The following SPOCK1 variants were observed in gnomAD, a reference collection of about 807,000 sequenced individuals.
SPOCK1 encodes SPARC (osteonectin), cwcv and kazal like domains proteoglycan 1, also known as testican-1.
In SPOCK1, 23 loss-of-function variants were observed where a neutral mutation model predicts 55.3. The observed-to-expected ratio is 0.42, with a 90% CI of 0.30 to 0.59. The LOEUF (loss-of-function observed/expected upper bound fraction) is 0.59. SPOCK1 is among the 20% of genes least tolerant of loss of function. The pLI, the probability that SPOCK1 is intolerant of heterozygous loss-of-function variation, is 0.22. For missense variants in SPOCK1, 499 were observed against 552.5 expected, an observed-to-expected ratio of 0.90 and a Z score of 0.97; for synonymous variants, 226 against 221.0, an observed-to-expected ratio of 1.02 and a Z score of -0.20.
chr5:137,028,287 G>A (rs750109908), intron 6 of SPOCK1, among the ~76,000 whole-genome samples: 6 of 152,162 alleles, frequency 3.9e-5, no homozygotes, highest in Non-Finnish European at 1.5e-5. Context: ...GGCTCTTACT[G>A]GGCAAAATGC....
intron 2 of SPOCK1, among the ~76,000 whole-genome samples, chr5:137,382,309 A>C (rs1272766493): frequency 2.0e-5 from 3 of 152,162 alleles, no homozygotes. Context: ...ACTTTCCCAC[A>C]TCTTTCTGTC....
chr5:137,335,301 C>T (rs1580872147), intron 2 of SPOCK1, among the ~76,000 whole-genome samples: 1 of 152,138 alleles, frequency 6.6e-6, no homozygotes, highest in Admixed American at 6.5e-5. Context: ...AAATCATATG[C>T]TCCTGTTTTT....
intron 4 of SPOCK1, among the ~76,000 whole-genome samples, chr5:137,130,688 A>G (rs1043169330): frequency 6.6e-6 from 1 of 152,220 alleles, no homozygotes; most frequent in African/African-American, 2.4e-5. Context: ...CCTTTCCTTC[A>G]GGTCAATGTC....
intron 2 of SPOCK1, among the ~76,000 whole-genome samples, chr5:137,467,606 C>A (rs555719864): frequency 1.6e-4 from 25 of 152,282 alleles, no homozygotes; most frequent in African/African-American, 5.1e-4. Flanking sequence ...TCTGATAACA[C>A]CACAGGAAGA....
intron 2 of SPOCK1, among the ~76,000 whole-genome samples, chr5:137,498,116 C>T (rs916926399): frequency 2.6e-5 from 4 of 152,152 alleles, no homozygotes; most frequent in African/African-American, 9.7e-5. Flanking sequence ...CCTCCCGCAG[C>T]CCTACGAATA....
At chr5:137,447,908 T>C (rs924865742) in intron 2 of SPOCK1, among the ~76,000 whole-genome samples, 1 of 152,184 alleles carries the variant, frequency 6.6e-6, no homozygotes, top group Non-Finnish European at 1.5e-5. Context: ...TCCATAATAT[T>C]ACCATTCAGT....
chr5:137,118,529 C>T (rs777085754), intron 4 of SPOCK1, among the ~76,000 whole-genome samples: 12 of 152,342 alleles, frequency 7.9e-5, no homozygotes, highest in Admixed American at 1.3e-4. Flanking sequence ...TCCTTGAAGA[C>T]ATCAATGTGA....
At chr5:137,346,793 C>G (rs2127158835) in intron 2 of SPOCK1, among the ~76,000 whole-genome samples, 1 of 152,248 alleles carries the variant, frequency 6.6e-6, no homozygotes, top group Non-Finnish European at 1.5e-5. Context: ...TTAAGTCAAA[C>G]AAAAACGTGC....
chr5:136,978,728 G>A lies in SPOCK1; in HGVS notation c.1246C>T (p.His416Tyr). The change falls in exon 11 of 11, where the codon CAC becomes TAC. Residue 416 changes from histidine (H) to tyrosine (Y), a missense_variant. This residue lies in a region of SPOCK1 where 83 missense variants were observed against 87.5 expected (regional missense o/e 0.95). Coordinates refer to ENST00000394945, the MANE Select transcript of SPOCK1 (RefSeq NM_004598.4). ...TCATCCTCTGTCACGGCTCGGGTGTGCACCCTCAGCTTCCCCTCTTTGTCC... is the reference window on the plus strand; with the variant it reads ...TCATCCTCTGTCACGGCTCGGGTGTACACCCTCAGCTTCCCCTCTTTGTCC... Reference protein sequence around the residue: ...PKDKEGKLRVHTRAVTEDDED... With the variant: ...PKDKEGKLRVYTRAVTEDDED... 6.2e-7 allele frequency: 1 copy of A among 1,614,016 alleles called. No individual in the cohort carries two copies. The highest frequency in any genetic ancestry group is 8.5e-7 in the Non-Finnish European group (1 of 1,179,974).
chr5:137,229,189 C>A (rs1429699840), intron 3 of SPOCK1, among the ~76,000 whole-genome samples: 1 of 151,962 alleles, frequency 6.6e-6, no homozygotes, highest in African/African-American at 2.4e-5. Flanking sequence ...CTTATTTTTG[C>A]CTTTCCATTT....
chr5:136,983,439 G>T (rs1376968894), intron 9 of SPOCK1, among the ~76,000 whole-genome samples: 1 of 152,128 alleles, frequency 6.6e-6, no homozygotes, highest in Non-Finnish European at 1.5e-5. Context: ...AAGCTTAGTG[G>T]TATCCACCCT....
chr5:137,187,687 C>A (rs1013549536), intron 3 of SPOCK1, among the ~76,000 whole-genome samples: 3 of 152,140 alleles, frequency 2.0e-5, no homozygotes, highest in African/African-American at 7.2e-5. Context: ...TAGGCATGCT[C>A]CTGGTGGCTG....
chr5:137,031,652 T>C (rs568710173), intron 6 of SPOCK1, among the ~76,000 whole-genome samples: 63 of 152,136 alleles, frequency 4.1e-4, no homozygotes, highest in African/African-American at 1.5e-3. Context: ...AACACATTCC[T>C]TCTAACAAAT....
At chr5:137,001,060 C>T (rs904164286) in intron 6 of SPOCK1, among the ~76,000 whole-genome samples, 3 of 152,088 alleles carry the variant, frequency 2.0e-5, no homozygotes, top group Admixed American at 6.5e-5. Flanking sequence ...CAGGGCTGAA[C>T]GCAGATCCCA....
At chr5:137,215,298 C>A (rs1209166807) in intron 3 of SPOCK1, among the ~76,000 whole-genome samples, 1 of 152,126 alleles carries the variant, frequency 6.6e-6, no homozygotes. Flanking sequence ...GCAGCCTCAC[C>A]CACTTGGTGA....
Position 137,456,938 on chromosome 5 carries a change from T to C in SPOCK1, c.186+41435A>G, listed in dbSNP as rs977158135. 3.3e-5 allele frequency among the ~76,000 whole-genome samples: 5 copies of C among 152,246 alleles called. No homozygotes were observed. The South Asian group carries it at 1.0e-3, about 32-fold the overall frequency. On this transcript the variant is annotated intron_variant, in intron 2 of 10. Coordinates refer to ENST00000394945, the MANE Select transcript of SPOCK1 (RefSeq NM_004598.4). ...TACTATACCTCTGCTAGTGGGTATA[T>C]TAACCTTTGTTTCAAGAAACTATTC...
intron 6 of SPOCK1, among the ~76,000 whole-genome samples, chr5:137,055,312 T>C (rs1306660113): frequency 6.6e-6 from 1 of 152,194 alleles, no homozygotes; most frequent in African/African-American, 2.4e-5. Context: ...GCTGAATGGA[T>C]GAAGATACAT....
intron 3 of SPOCK1, among the ~76,000 whole-genome samples, chr5:137,263,778 G>T (rs960045392): frequency 2.6e-5 from 4 of 152,134 alleles, no homozygotes; most frequent in East Asian, 1.9e-4. Context: ...ATCTCAGGAA[G>T]AATTCTTAGA....
chr5:137,165,912 CT>C (rs754398182), intron 3 of SPOCK1, among the ~76,000 whole-genome samples: 1 of 151,792 alleles, frequency 6.6e-6, no homozygotes, highest in Non-Finnish European at 1.5e-5. Context: ...CATAAAAGAT[CT>C]AAAAAAAATA....
Sources: allele counts gnomAD v4.1 joint callset (sites outside exome capture counted in the v4.1 genomes callset), GRCh38; gene constraint gnomAD v4.1.1; regional missense constraint gnomAD v4.1.1; transcripts MANE v1.5; gene names NCBI Gene and HGNC (gene_info 2026-07-23, HGNC 2026-07-21).